The following RAB30 variants were observed in gnomAD, a reference collection of about 807,000 sequenced individuals.
The protein encoded by RAB30 is RAB30, member RAS oncogene family, also known as ras-related protein Rab-30.
A neutral mutation model predicts 25.1 loss-of-function variants in RAB30; 9 were observed. That is an observed-to-expected ratio of 0.36 (90% CI 0.22 to 0.63). The LOEUF (loss-of-function observed/expected upper bound fraction) is 0.63. Among genes scored for constraint, RAB30 ranks in the 20% least tolerant of loss-of-function variants. The pLI, the probability that RAB30 is intolerant of heterozygous loss-of-function variation, is 0.69. For missense variants in RAB30, 140 were observed against 243.5 expected (o/e 0.58, Z 2.83); for synonymous variants, 77 against 86.4 (o/e 0.89, Z 0.60).
In RAB30 at chr11:83,054,699, A is replaced by G. The variant is rs1023619493; in HGVS notation, c.-9+16992T>C. On this transcript the variant is annotated intron_variant, in intron 1 of 4. Transcript: ENST00000527633. The stretch of plus-strand genomic sequence containing the variant: ...AATAGAATGAGACCCTGTGTCTACG[A>G]AAAAAAAAAATACAAAAATCAGCCA... Among the ~76,000 whole-genome samples, 6 of 92,414 alleles carry G rather than the reference A, an allele frequency of 6.5e-5. No homozygotes were observed. The Admixed American group carries it at 7.9e-4, about 12-fold the overall frequency. The allele number at this position is 92,414 out of a possible 152,430, so 60.6% of individuals were successfully genotyped here.
intron 1 of RAB30, among the ~76,000 whole-genome samples, chr11:83,009,958 G>A (rs897840104): frequency 6.6e-6 from 1 of 152,056 alleles, no homozygotes; most frequent in Non-Finnish European, 1.5e-5. Flanking sequence ...GTAGAGATGT[G>A]GTCTCACTAT....
intron 1 of RAB30, among the ~76,000 whole-genome samples, chr11:83,017,502 C>T (rs527813270): frequency 3.0e-4 from 45 of 152,108 alleles, no homozygotes; most frequent in Non-Finnish European, 5.4e-4. Context: ...GTACACTGTA[C>T]CCAATGTGTA....
At chr11:83,017,333 G>C (rs139878582) in intron 1 of RAB30, among the ~76,000 whole-genome samples, 3,138 of 152,092 alleles carry the variant, frequency 0.021, 44 homozygotes, top group Non-Finnish European at 0.03. Flanking sequence ...GTGAGACCCT[G>C]TATCAAAATA....
In RAB30 at chr11:83,071,897, T is replaced by C; in HGVS notation, c.-215A>G. On this transcript the variant is annotated 5_prime_UTR_variant, in exon 1 of 5. Coordinates refer to ENST00000527633, the MANE Select transcript of RAB30 (RefSeq NM_001286060.2). ...AGGGGGTGGAGAGACCGTAGCACAA[T>C]GAATGCAGTGGGGCTTTTGCAATGA... 1 of 391,006 alleles carries C rather than the reference T, an allele frequency of 2.6e-6. No homozygotes were observed. The highest frequency in any genetic ancestry group is 4.5e-6 in the Non-Finnish European group (1 of 221,892). The allele number at this position is 391,006 out of a possible 1,614,324, so 24.2% of individuals were successfully genotyped here.
intron 1 of RAB30, among the ~76,000 whole-genome samples, chr11:83,014,789 A>T (rs1305073648): frequency 1.3e-5 from 2 of 151,106 alleles, no homozygotes; most frequent in Middle Eastern, 3.4e-3. Flanking sequence ...AAAGAAAGAG[A>T]AGGGGAGGGA....
At chr11:83,036,730 G>T (rs1167088678) in intron 1 of RAB30, among the ~76,000 whole-genome samples, 1 of 152,208 alleles carries the variant, frequency 6.6e-6, no homozygotes, top group African/African-American at 2.4e-5. Flanking sequence ...GAGAAAGTGA[G>T]ATGTGAGCTG....
At chr11:83,020,312 C>T (rs1230101774) in intron 1 of RAB30, among the ~76,000 whole-genome samples, 1 of 152,238 alleles carries the variant, frequency 6.6e-6, no homozygotes, top group East Asian at 1.9e-4. Context: ...TATGCCTGCT[C>T]TAATCTCAGA....
At chr11:83,003,799 T>A (rs1296612629) in intron 1 of RAB30, among the ~76,000 whole-genome samples, 1 of 152,082 alleles carries the variant, frequency 6.6e-6, no homozygotes. Flanking sequence ...AAAAACAGCA[T>A]CATAGAATTA....
At chr11:83,024,172 G>A (rs1043336462) in intron 1 of RAB30, among the ~76,000 whole-genome samples, 1 of 152,182 alleles carries the variant, frequency 6.6e-6, no homozygotes, top group Non-Finnish European at 1.5e-5. Context: ...AAAGGTTAGC[G>A]TTAAGTTTAA....
chr11:83,070,459 T>C (rs1169632203), intron 1 of RAB30, among the ~76,000 whole-genome samples: 1 of 152,232 alleles, frequency 6.6e-6, no homozygotes, highest in African/African-American at 2.4e-5. Flanking sequence ...CTGACTCAGC[T>C]AGGAAAAGGT....
At position 82,975,053 on chromosome 11, in the gene RAB30, T is replaced by C. The variant is rs1856520558; in HGVS notation, c.*7112A>G. The C allele has an allele frequency of 1.3e-5, 2 of 151,912 alleles. No individual in the cohort carries two copies. The highest frequency in any genetic ancestry group is 4.8e-5 in the African/African-American group (2 of 41,386). The allele number at this position is 151,912 out of a possible 1,614,324, so 9.4% of individuals were successfully genotyped here. A position where few individuals can be genotyped will look rare whatever the true frequency, so the allele number is the denominator to read the frequency against. The stretch of plus-strand genomic sequence containing the variant: ...TCAAAGGAGCTCCAACCATCTGGTA[T>C]GTCTGGAAGACACTTCAGTGAGTAG... On this transcript the variant is annotated 3_prime_UTR_variant, in exon 5 of 5. Coordinates refer to ENST00000527633, the MANE Select transcript of RAB30 (RefSeq NM_001286060.2).
chr11:82,992,989 G>T (rs1396458122), intron 3 of RAB30, among the ~76,000 whole-genome samples: 1 of 152,166 alleles, frequency 6.6e-6, no homozygotes, highest in Non-Finnish European at 1.5e-5. Context: ...GATTATAGGC[G>T]TGAGCCACTG....
At chr11:83,003,023 T>C (rs116198185) in intron 1 of RAB30, among the ~76,000 whole-genome samples, 5,362 of 152,192 alleles carry the variant, frequency 0.035, 335 homozygotes, top group African/African-American at 0.12. Flanking sequence ...ACTTGGTCTG[T>C]AAATGGAGGG....
chr11:82,983,837 G>C (rs765560915), intron 4 of RAB30, among the ~76,000 whole-genome samples: 1 of 152,090 alleles, frequency 6.6e-6, no homozygotes, highest in Non-Finnish European at 1.5e-5. Flanking sequence ...AAACAATCTT[G>C]AACTGTTTCA....
chr11:83,001,854 A>G (rs1857093076), intron 1 of RAB30, among the ~76,000 whole-genome samples: 1 of 152,186 alleles, frequency 6.6e-6, no homozygotes. Context: ...ACACTACTGC[A>G]GTATTTTATA....
At position 82,981,870 on chromosome 11, in the gene RAB30, T is replaced by C. The variant is rs1403949431; in HGVS notation, c.*295A>G. On this transcript the variant is annotated 3_prime_UTR_variant, in exon 5 of 5. Transcript: ENST00000527633. ...TTTCCCCCCGGACTCTGTTTAGGAA[T>C]GCGCTTTTACTTGCTTTTTAAAAAA... 2 of 364,622 alleles carry C rather than the reference T, an allele frequency of 5.5e-6. No individual in the cohort carries two copies. The highest frequency in any genetic ancestry group is 4.1e-5 in the African/African-American group (2 of 48,600). The allele number at this position is 364,622 out of a possible 1,614,324, so 22.6% of individuals were successfully genotyped here. A position where few individuals can be genotyped will look rare whatever the true frequency, so the allele number is the denominator to read the frequency against.
At chr11:82,989,444 A>G (rs866455315) in intron 3 of RAB30, among the ~76,000 whole-genome samples, 1 of 152,222 alleles carries the variant, frequency 6.6e-6, no homozygotes, top group African/African-American at 2.4e-5. Context: ...TCGATGATAC[A>G]CATGAAAGCC....
chr11:83,030,908 T>C (rs1857842176), intron 1 of RAB30, among the ~76,000 whole-genome samples: 1 of 152,234 alleles, frequency 6.6e-6, no homozygotes. Flanking sequence ...TGTTCATGTA[T>C]TTGGAGATAG....
At chr11:83,068,121 C>T (rs1418370259) in intron 1 of RAB30, among the ~76,000 whole-genome samples, 3 of 92,374 alleles carry the variant, frequency 3.2e-5, no homozygotes, top group Non-Finnish European at 6.4e-5. Flanking sequence ...GAGACTCTGT[C>T]TCAAAAAAAA....
Sources: allele counts gnomAD v4.1 joint callset (sites outside exome capture counted in the v4.1 genomes callset), GRCh38; gene constraint gnomAD v4.1.1; transcripts MANE v1.5; gene names NCBI Gene and HGNC (gene_info 2026-07-23, HGNC 2026-07-21).